The following CTNND2 variants were observed in gnomAD, a reference collection of about 807,000 sequenced individuals.
CTNND2 encodes catenin delta 2, also known as catenin delta-2.
Under a neutral mutation model 144.4 loss-of-function variants are expected in CTNND2, and 22 were observed. The observed-to-expected ratio is 0.15, with a 90% CI of 0.11 to 0.22. The LOEUF is 0.22. Ranked by LOEUF, CTNND2 falls within the 10% of genes least tolerant of loss-of-function variation. The pLI is 1.00. For missense variants in CTNND2, 1,353 were observed against 1,618.8 expected, an observed-to-expected ratio of 0.84 and a Z score of 2.82; for synonymous variants, 751 against 695.6, an observed-to-expected ratio of 1.08 and a Z score of -1.25.
intron 6 of CTNND2, chr5:11,385,874 A>AT (rs1232493670): frequency 2.0e-5 from 3 of 151,452 alleles, no homozygotes; most frequent in Non-Finnish European, 4.4e-5. Flanking sequence ...ATTAAAAAAA[A>AT]ATCTAGAGGA....
intron 8 of CTNND2, 68 bp from the exon 9 acceptor site, chr5:11,346,695 T>G (rs1754828206): frequency 7.3e-7 from 1 of 1,372,836 alleles, no homozygotes; most frequent in Non-Finnish European, 9.5e-7. Flanking sequence ...TAACCAGGTC[T>G]AGGCAGGGGC....
At chr5:11,111,817 C>T (rs576277931) in intron 13 of CTNND2, among the ~76,000 whole-genome samples, 47 of 151,956 alleles carry the variant, frequency 3.1e-4, no homozygotes, top group South Asian at 1.0e-3. Flanking sequence ...GTGTGTGGTA[C>T]GCAGAATAAT....
intron 5 of CTNND2, among the ~76,000 whole-genome samples, chr5:11,405,776 G>C (rs1282934104): frequency 2.6e-5 from 4 of 152,014 alleles, no homozygotes; most frequent in African/African-American, 7.2e-5. Context: ...CCGAGGTAGG[G>C]GGGGAAGTGA....
At chr5:11,195,038 C>G (rs752916754) in intron 11 of CTNND2, among the ~76,000 whole-genome samples, 1 of 151,924 alleles carries the variant, frequency 6.6e-6, no homozygotes, top group Non-Finnish European at 1.5e-5. Flanking sequence ...CCAAGAGGCT[C>G]AAAATCTGAC....
chr5:11,278,563 G>T (rs1370132143), intron 9 of CTNND2, among the ~76,000 whole-genome samples: 1 of 152,206 alleles, frequency 6.6e-6, no homozygotes, highest in African/African-American at 2.4e-5. Context: ...AGACCTCAGT[G>T]AGGATGTGAC....
chr5:11,675,612 A>C (rs1303532684), intron 2 of CTNND2, among the ~76,000 whole-genome samples: 1 of 152,142 alleles, frequency 6.6e-6, no homozygotes, highest in African/African-American at 2.4e-5. Context: ...AAAATCACAG[A>C]GGACCCAGAA....
chr5:11,115,477 G>A (rs551779484), intron 13 of CTNND2, among the ~76,000 whole-genome samples: 5 of 152,152 alleles, frequency 3.3e-5, no homozygotes, highest in Non-Finnish European at 4.4e-5. Context: ...GAGCATTGCC[G>A]CTTCAGTGAT....
At chr5:11,156,246 A>T (rs994682979) in intron 12 of CTNND2, among the ~76,000 whole-genome samples, 41 of 152,238 alleles carry the variant, frequency 2.7e-4, no homozygotes, top group African/African-American at 9.2e-4. Flanking sequence ...TAAGAGCAAT[A>T]TAATTTGCAT....
chr5:11,146,040 C>T (rs981333611), intron 12 of CTNND2, among the ~76,000 whole-genome samples: 3 of 152,190 alleles, frequency 2.0e-5, no homozygotes, highest in African/African-American at 7.2e-5. Flanking sequence ...GTCCATGGTT[C>T]CATCCCCAGG....
chr5:11,880,284 G>T lies in CTNND2; in HGVS notation c.37+23533C>A, dbSNP rs77217474. Among the ~76,000 whole-genome samples, 934 of 152,160 alleles carry T rather than the reference G, an allele frequency of 6.1e-3. 16 individuals are homozygous for T. Among genetic ancestry groups the T allele is most frequent in the Non-Finnish European group, 8.4e-3 (569 of 67,998 alleles). ...ATGATTACTATAAAAGGTAATATGT[G>T]AAATATTCCATAATAAACGGAAAAC... On this transcript the variant is annotated intron_variant, in intron 1 of 21. Transcript: ENST00000304623.
At chr5:11,402,136 A>G (rs534489394) in intron 5 of CTNND2, among the ~76,000 whole-genome samples, 22 of 152,304 alleles carry the variant, frequency 1.4e-4, no homozygotes, top group East Asian at 1.2e-3. Context: ...AACAACAACA[A>G]CAACAAAACT....
chr5:11,883,790 C>A, intron 1 of CTNND2, among the ~76,000 whole-genome samples: 1 of 152,204 alleles, frequency 6.6e-6, no homozygotes, highest in Non-Finnish European at 1.5e-5. Flanking sequence ...AATTTACACT[C>A]CCAACAACAG....
chr5:11,152,984 C>T (rs1757879598), intron 12 of CTNND2, among the ~76,000 whole-genome samples: 1 of 152,134 alleles, frequency 6.6e-6, no homozygotes, highest in Non-Finnish European at 1.5e-5. Context: ...TGAATTCAGG[C>T]TGGGTGCATT....
intron 1 of CTNND2, among the ~76,000 whole-genome samples, chr5:11,851,270 T>G (rs1259371860): frequency 6.6e-6 from 1 of 152,144 alleles, no homozygotes; most frequent in African/African-American, 2.4e-5. Flanking sequence ...CATGCGTGTG[T>G]GTGCGTATGT....
intron 2 of CTNND2, among the ~76,000 whole-genome samples, chr5:11,591,587 T>C (rs1389257806): frequency 1.3e-5 from 2 of 151,996 alleles, no homozygotes; most frequent in Admixed American, 1.3e-4. Context: ...CAGCTCATTG[T>C]TACTCCTTTC....
chr5:11,377,781 C>T (rs538747698), intron 7 of CTNND2, among the ~76,000 whole-genome samples: 19 of 152,244 alleles, frequency 1.2e-4, no homozygotes, highest in African/African-American at 4.3e-4. Context: ...ACTTGCCATA[C>T]GGGAGTGTTA....
intron 2 of CTNND2, among the ~76,000 whole-genome samples, chr5:11,695,242 CAT>C (rs1785089878): frequency 6.6e-6 from 1 of 152,154 alleles, no homozygotes. Flanking sequence ...TGATTTTTGT[CAT>C]ATCTTGTCAC....
intron 1 of CTNND2, among the ~76,000 whole-genome samples, chr5:11,748,185 A>AAAAGAACAGAT (rs6148910): frequency 6.6e-5 from 10 of 151,986 alleles, no homozygotes; most frequent in African/African-American, 2.2e-4. Context: ...TGCTGACCTT[A>AAAAGAACAGAT]AGAAAACAAA....
At chr5:11,556,164 C>T (rs1160068938) in intron 3 of CTNND2, among the ~76,000 whole-genome samples, 1 of 151,972 alleles carries the variant, frequency 6.6e-6, no homozygotes, top group African/African-American at 2.4e-5. Context: ...AAAAAATGAT[C>T]CAAAAGCAAT....
Sources: gnomAD v4.1 joint callset for allele counts (sites outside exome capture counted in the v4.1 genomes callset) on GRCh38, gnomAD v4.1.1 for gene constraint, MANE v1.5 for transcripts, NCBI Gene and HGNC (gene_info 2026-07-23, HGNC 2026-07-21) for gene names.